Variants in CNTN4 observed in about 807,000 individuals in gnomAD.
CNTN4 encodes contactin-4.
Under a neutral mutation model 122.5 loss-of-function variants are expected in CNTN4, and 77 were observed. That is an observed-to-expected ratio of 0.63 (90% CI 0.52 to 0.76). CNTN4 has a LOEUF of 0.76. CNTN4 is among the 30% of genes least tolerant of loss of function. The pLI is 0.00. For missense variants in CNTN4, 1,256 were observed against 1,259.1 expected (o/e 1.00, Z 0.04); for synonymous variants, 512 against 447.0 (o/e 1.15, Z -1.83).
intron 3 of CNTN4, among the ~76,000 whole-genome samples, chr3:2,522,974 A>G (rs757896519): frequency 2.0e-5 from 3 of 152,148 alleles, no homozygotes; most frequent in Non-Finnish European, 4.4e-5. Flanking sequence ...ACACTATTTT[A>G]TGCCCTAAAT....
chr3:2,303,371 A>G (rs562010618), intron 2 of CNTN4, among the ~76,000 whole-genome samples: 2 of 151,846 alleles, frequency 1.3e-5, no homozygotes, highest in East Asian at 1.9e-4. Flanking sequence ...CGTTTCCCCT[A>G]TTCACTCCCC....
At chr3:2,455,324 T>C (rs1466902738) in intron 3 of CNTN4, among the ~76,000 whole-genome samples, 1 of 152,140 alleles carries the variant, frequency 6.6e-6, no homozygotes, top group Non-Finnish European at 1.5e-5. Context: ...CTACGACAAG[T>C]GTAATGAACT....
intron 8 of CNTN4, among the ~76,000 whole-genome samples, chr3:2,881,212 T>C (rs184251913): frequency 1.3e-3 from 200 of 152,262 alleles, no homozygotes; most frequent in African/African-American, 3.5e-3. Flanking sequence ...CTGAAATGGC[T>C]GATGAAAAGG....
At chr3:2,883,310 T>C (rs1215089019) in intron 9 of CNTN4, 63 bp downstream of exon 9, 54 of 1,217,066 alleles carry the variant, frequency 4.4e-5, no homozygotes, top group Non-Finnish European at 2.5e-5. Flanking sequence ...AGAGTTTTTC[T>C]TGCACTGTTC....
intron 3 of CNTN4, among the ~76,000 whole-genome samples, chr3:2,484,057 C>T (rs950858590): frequency 1.3e-5 from 2 of 151,984 alleles, no homozygotes; most frequent in African/African-American, 2.4e-5. Context: ...CAAAGACATA[C>T]CTGATAAAGG....
chr3:3,035,034 T>G (rs1435440260), intron 17 of CNTN4, among the ~76,000 whole-genome samples: 1 of 152,100 alleles, frequency 6.6e-6, no homozygotes, highest in African/African-American at 2.4e-5. Context: ...CAGGCCAGAT[T>G]TGGTGGCTCA....
chr3:3,040,432 G>A, intron 20 of CNTN4, 161 bp downstream of exon 20: 1 of 669,528 alleles, frequency 1.5e-6, no homozygotes, highest in Non-Finnish European at 2.7e-6. Context: ...TGTCCACCAT[G>A]AATCTCTTGA....
chr3:2,809,231 T>G (rs936693096), intron 6 of CNTN4, among the ~76,000 whole-genome samples: 3 of 152,120 alleles, frequency 2.0e-5, no homozygotes, highest in African/African-American at 7.2e-5. Context: ...CAGGTCACGG[T>G]TGACTTTACT....
At chr3:2,138,635 T>C (rs2034829281) in intron 2 of CNTN4, among the ~76,000 whole-genome samples, 1 of 152,176 alleles carries the variant, frequency 6.6e-6, no homozygotes, top group Non-Finnish European at 1.5e-5. Flanking sequence ...AATTAAGAAT[T>C]TGTCCCTTTC....
chr3:2,248,347 A>G lies in CNTN4; in HGVS notation c.-144-90831A>G, dbSNP rs77816552. ...AACATAGACAACAAATAGCCCTGAAAAAAAGGAGTAATAGTGAAGACTTAC... is the reference window on the plus strand; with the variant it reads ...AACATAGACAACAAATAGCCCTGAAGAAAAGGAGTAATAGTGAAGACTTAC... On this transcript the variant is annotated intron_variant, in intron 2 of 24. Transcript: ENST00000418658. Among the ~76,000 whole-genome samples, 399 of 152,126 alleles carry G rather than the reference A, an allele frequency of 2.6e-3. 3 individuals are homozygous for G. The highest frequency in any genetic ancestry group is 8.8e-3 in the African/African-American group (366 of 41,534).
intron 3 of CNTN4, among the ~76,000 whole-genome samples, chr3:2,569,263 C>G (rs1039994269): frequency 6.6e-6 from 1 of 152,142 alleles, no homozygotes; most frequent in Admixed American, 6.6e-5. Context: ...TCTGTTAGCT[C>G]CCTGGTAAAC....
chr3:3,024,409 C>T (rs74804213), intron 14 of CNTN4, among the ~76,000 whole-genome samples: 2 of 78,550 alleles, frequency 2.5e-5, no homozygotes, highest in South Asian at 9.1e-4. Flanking sequence ...AAAAAAAAAA[C>T]AACTTCATCA....
intron 14 of CNTN4, among the ~76,000 whole-genome samples, chr3:3,016,085 T>C (rs1000173204): frequency 2.0e-5 from 3 of 152,168 alleles, no homozygotes; most frequent in Admixed American, 6.6e-5. Flanking sequence ...AAAATGTTTC[T>C]CCGTGGGTAA....
At chr3:2,601,973 C>T (rs978601521) in intron 4 of CNTN4, among the ~76,000 whole-genome samples, 2 of 152,206 alleles carry the variant, frequency 1.3e-5, no homozygotes, top group East Asian at 3.9e-4. Context: ...ATCATATAAA[C>T]AGAACCAATG....
At chr3:2,191,569 G>A (rs1278229080) in intron 2 of CNTN4, among the ~76,000 whole-genome samples, 4 of 152,028 alleles carry the variant, frequency 2.6e-5, no homozygotes, top group Admixed American at 6.6e-5. Flanking sequence ...CCTCTAGCCC[G>A]TAAATATTTA....
chr3:2,107,269 T>G (rs2032526934), intron 2 of CNTN4, among the ~76,000 whole-genome samples: 1 of 152,222 alleles, frequency 6.6e-6, no homozygotes, highest in African/African-American at 2.4e-5. Flanking sequence ...TGCATTAGTC[T>G]GTTCTCACAT....
chr3:2,889,192 C>G (rs1485371051), intron 10 of CNTN4, among the ~76,000 whole-genome samples: 2 of 152,216 alleles, frequency 1.3e-5, no homozygotes, highest in South Asian at 2.1e-4. Context: ...CTAAGTGACT[C>G]TCAGCATTTC....
At position 2,686,545 on chromosome 3, in the gene CNTN4, A is replaced by G. The variant is rs557439776; in HGVS notation, c.56-49670A>G. Among the ~76,000 whole-genome samples, 32 of 144,090 alleles carry G rather than the reference A, an allele frequency of 2.2e-4. 1 individual carries two copies. Among genetic ancestry groups the G allele is most frequent in the African/African-American group, 8.0e-4 (27 of 33,936 alleles). 94.5% of individuals were successfully genotyped at this position (144,090 alleles called of 152,430 possible). A position where few individuals can be genotyped will look rare whatever the true frequency, so the allele number is the denominator to read the frequency against. ...ACAGTTTTATTGAGATATAATTAAC[A>G]TATAAAATTGTTTGATGTTTGCTTT... On this transcript the variant is annotated intron_variant, in intron 4 of 24. Transcript: ENST00000418658.
intron 2 of CNTN4, among the ~76,000 whole-genome samples, chr3:2,216,007 A>C (rs1167261261): frequency 6.6e-6 from 1 of 152,124 alleles, no homozygotes; most frequent in Non-Finnish European, 1.5e-5. Flanking sequence ...AAGCAGAACT[A>C]CCATTTGATC....
Sources: allele counts gnomAD v4.1 joint callset (sites outside exome capture counted in the v4.1 genomes callset), GRCh38; gene constraint gnomAD v4.1.1; transcripts MANE v1.5; gene names NCBI Gene and HGNC (gene_info 2026-07-23, HGNC 2026-07-21).